Variants in CEP350 observed in about 807,000 individuals in gnomAD.
CEP350 encodes the protein centrosome-associated protein 350.
A neutral mutation model predicts 331.8 loss-of-function variants in CEP350; 126 were observed. The observed-to-expected ratio is 0.38, with a 90% confidence interval of 0.33 to 0.44. The LOEUF (loss-of-function observed/expected upper bound fraction) is 0.44, where lower values mean the gene tolerates loss of function less well. Among genes scored for constraint, CEP350 ranks in the 20% least tolerant of loss-of-function variants. CEP350 has a pLI of 1.00. For missense variants in CEP350, 3,406 were observed against 3,634.6 expected (o/e 0.94, Z 1.62); for synonymous variants, 1,200 against 1,259.5 (o/e 0.95, Z 1.00).
chr1:180,095,347 GA>G, intron 34 of CEP350, 175 bp from the exon 35 acceptor site: 1 of 686,730 alleles, frequency 1.5e-6, no homozygotes, highest in Non-Finnish European at 2.2e-6. Flanking sequence ...AGAATTGAGG[GA>G]ACAGGATAAC....
At chr1:180,096,317 A>G in intron 36 of CEP350, 133 bp downstream of exon 36, 2 of 940,024 alleles carry the variant, frequency 2.1e-6, no homozygotes, top group South Asian at 5.7e-5. Context: ...CATAGTGGGT[A>G]TTCAATAAAG....
At chr1:180,016,118 A>T in intron 11 of CEP350, 148 bp downstream of exon 11, 1 of 856,648 alleles carries the variant, frequency 1.2e-6, no homozygotes, top group Non-Finnish European at 1.8e-6. Context: ...AAATTTAGGC[A>T]TAGTGCACAT....
At chr1:180,032,383 T>A (rs1353792867) in intron 15 of CEP350, among the ~76,000 whole-genome samples, 1 of 152,040 alleles carries the variant, frequency 6.6e-6, no homozygotes, top group African/African-American at 2.4e-5. Flanking sequence ...TAAAATTAAA[T>A]TTTTTTTCTT....
intron 26 of CEP350, among the ~76,000 whole-genome samples, chr1:180,064,755 AT>A (rs1041952745): frequency 2.0e-5 from 3 of 151,980 alleles, no homozygotes; most frequent in East Asian, 1.9e-4. Flanking sequence ...TTATAGTCTA[AT>A]TTTTTTATTC....
Position 180,037,059 on chromosome 1 carries a change from G to A in CEP350, c.4080G>A (p.Gln1360=). 6.2e-7 allele frequency: 1 copy of A among 1,604,986 alleles called. No homozygotes were observed. Among genetic ancestry groups the A allele is most frequent in the Non-Finnish European group, 8.5e-7 (1 of 1,175,646 alleles). Residue 1360 remains glutamine, a synonymous_variant, in exon 17 of 38, where the codon CAG becomes CAA. Transcript: ENST00000367607. The part of the protein sequence containing the change: ...ERVRGISLAQ[Q]ESVSLAQIIK... ...TTAGAGGCATTTCACTTGCTCAGCA[G>A]GAGAGTGTGTCTCTAGCTCAGATAA...
intron 32 of CEP350, among the ~76,000 whole-genome samples, chr1:180,090,316 G>C (rs982754061): frequency 7.9e-5 from 12 of 151,922 alleles, no homozygotes; most frequent in African/African-American, 2.7e-4. Context: ...GGAGGCAGAG[G>C]CGGGCGGATC....
chr1:180,099,960 A>G lies in CEP350; in HGVS notation c.9189+975A>G, dbSNP rs371769564. On this transcript the variant is annotated intron_variant, in intron 37 of 37. Coordinates refer to ENST00000367607, the MANE Select transcript of CEP350 (RefSeq NM_014810.5). ...GCAACCATGTCCAGCTAATTTTTGT[A>G]TTTTTAGTAGAGATGGGATTTCGCC... Among the ~76,000 whole-genome samples, 5 of 151,950 alleles carry G rather than the reference A, an allele frequency of 3.3e-5. No individual in the cohort carries two copies. In the East Asian group the frequency reaches 9.7e-4, roughly 30 times the overall value.
intron 6 of CEP350, chr1:180,000,297 T>C (rs547940733): frequency 6.6e-6 from 1 of 151,670 alleles, no homozygotes; most frequent in Non-Finnish European, 1.5e-5. Flanking sequence ...TGGTGAAAAG[T>C]TGAGAAAGAC....
rs1408707810 is a variant in CEP350 at position 180,111,905 on chromosome 1, T to C, written c.*744T>C. The C allele has an allele frequency of 6.5e-6, 1 of 152,748 alleles. No individual in the cohort carries two copies. The highest frequency in any genetic ancestry group is 1.9e-4 in the East Asian group (1 of 5,182). The allele number at this position is 152,748 out of a possible 1,614,324, so 9.5% of individuals were successfully genotyped here. On this transcript the variant is annotated 3_prime_UTR_variant, in exon 38 of 38. Coordinates refer to ENST00000367607, the MANE Select transcript of CEP350 (RefSeq NM_014810.5). ...AGGGCTGGTTCTTTTACCCCTTGGT[T>C]TACTCCTGCACTTGTCTTACTCATT...
Position 180,113,859 on chromosome 1 carries a change from A to G in CEP350, c.*2698A>G, listed in dbSNP as rs1312884100. On this transcript the variant is annotated 3_prime_UTR_variant, in exon 38 of 38. Transcript: ENST00000367607. ...CAGTAATATCTTTTAGAATAGCACT[A>G]TCAGAATTTAGCAGTAAACCAACAT... The G allele has an allele frequency of 6.6e-6, 1 of 152,628 alleles. No homozygotes were observed. The highest frequency in any genetic ancestry group is 2.4e-5 in the African/African-American group (1 of 41,446). 9.5% of individuals were successfully genotyped at this position (152,628 alleles called of 1,614,324 possible). A position where few individuals can be genotyped will look rare whatever the true frequency, so the allele number is the denominator to read the frequency against.
chr1:179,970,055 C>G (rs969767477), intron 1 of CEP350, among the ~76,000 whole-genome samples: 5 of 152,012 alleles, frequency 3.3e-5, no homozygotes, highest in African/African-American at 1.2e-4. Context: ...TTTTAGGGCT[C>G]CCCCCTTCTT....
At chr1:179,985,792 T>C (rs1430313409) in intron 1 of CEP350, among the ~76,000 whole-genome samples, 5 of 152,124 alleles carry the variant, frequency 3.3e-5, no homozygotes, top group African/African-American at 1.2e-4. Context: ...TTCTACCTGG[T>C]CCCGCCTATG....
In CEP350 at chr1:180,114,758, A is replaced by C. The variant is rs781101112; in HGVS notation, c.*3597A>C. ...CGAACACTTAAGGGTGTGGTTTGTA[A>C]GTACGATCTGTAAAATAACTGGGAT... On this transcript the variant is annotated 3_prime_UTR_variant, in exon 38 of 38. Coordinates refer to ENST00000367607, the MANE Select transcript of CEP350 (RefSeq NM_014810.5). 30 of 152,694 alleles carry C rather than the reference A, an allele frequency of 2.0e-4. No homozygotes were observed. The highest frequency in any genetic ancestry group is 1.5e-3 in the Admixed American group (23 of 15,290). 9.5% of individuals were successfully genotyped at this position (152,694 alleles called of 1,614,324 possible).
intron 1 of CEP350, among the ~76,000 whole-genome samples, chr1:179,978,842 T>G (rs1652066714): frequency 6.6e-6 from 1 of 152,162 alleles, no homozygotes; most frequent in Non-Finnish European, 1.5e-5. Context: ...CGTGTTCTCA[T>G]TTGGTTACTG....
intron 1 of CEP350, among the ~76,000 whole-genome samples, chr1:179,965,247 G>A (rs1650917530): frequency 6.6e-6 from 1 of 152,100 alleles, no homozygotes; most frequent in Admixed American, 6.5e-5. Flanking sequence ...TTATTCTACT[G>A]TAGTCTGATA....
intron 1 of CEP350, among the ~76,000 whole-genome samples, chr1:179,961,824 T>A (rs1169115204): frequency 5.3e-5 from 8 of 152,154 alleles, no homozygotes. Flanking sequence ...GTAGGTTGTT[T>A]TTCAACCTTT....
At chr1:180,084,586 G>A (rs1245664246) in intron 31 of CEP350, among the ~76,000 whole-genome samples, 2 of 152,100 alleles carry the variant, frequency 1.3e-5, no homozygotes, top group East Asian at 1.9e-4. Flanking sequence ...GGATGGTCTC[G>A]ATCTCCTGAC....
At chr1:180,077,084 T>C (rs1659266331) in intron 28 of CEP350, among the ~76,000 whole-genome samples, 1 of 152,054 alleles carries the variant, frequency 6.6e-6, no homozygotes, top group African/African-American at 2.4e-5. Context: ...GAAGCAAAAT[T>C]CTCATTACTT....
At position 180,112,150 on chromosome 1, in the gene CEP350, A is replaced by G. The variant is rs1289166323; in HGVS notation, c.*989A>G. 6.6e-6 allele frequency: 1 copy of G among 152,668 alleles called. No individual in the cohort carries two copies. The highest frequency in any genetic ancestry group is 1.5e-5 in the Non-Finnish European group (1 of 68,040). 9.5% of individuals were successfully genotyped at this position (152,668 alleles called of 1,614,324 possible). On this transcript the variant is annotated 3_prime_UTR_variant, in exon 38 of 38. Coordinates refer to ENST00000367607, the MANE Select transcript of CEP350 (RefSeq NM_014810.5). Reference sequence around the variant, plus strand: ...ATTGTTTGTGTGCTTGTTTTGCGCTATGGAACATTTTTTAATTTATTTTAA... The same window carrying G: ...ATTGTTTGTGTGCTTGTTTTGCGCTGTGGAACATTTTTTAATTTATTTTAA...
Sources: allele counts gnomAD v4.1 joint callset (sites outside exome capture counted in the v4.1 genomes callset), GRCh38; gene constraint gnomAD v4.1.1; transcripts MANE v1.5; gene names NCBI Gene and HGNC (gene_info 2026-07-23, HGNC 2026-07-21).